Variants in GUCD1 observed in about 807,000 individuals in gnomAD.
The protein encoded by GUCD1 is guanylyl cyclase domain containing 1.
A neutral mutation model predicts 28.3 loss-of-function variants in GUCD1; 17 were observed. The observed-to-expected ratio is 0.60, with a 90% CI of 0.41 to 0.90. The LOEUF is 0.90. Ranked by LOEUF, GUCD1 falls within the 40% of genes least tolerant of loss-of-function variation. GUCD1 has a pLI of 0.00. For synonymous variants in GUCD1, 129 were observed against 123.3 expected (o/e 1.05, Z -0.30); for missense variants, 279 against 305.5 (o/e 0.91, Z 0.65).
Position 24,543,939 on chromosome 22 carries a change from G to A in GUCD1, c.531C>T (p.Phe177=). The A allele has an allele frequency of 1.2e-6, 2 of 1,614,100 alleles. No homozygotes were observed. The highest frequency in any genetic ancestry group is 2.2e-5 in the East Asian group (1 of 44,874). ...GGCCCTGGTAGTCAGGAGTGCGGCAGAAGCAGTGGTGGCCACTGGGGGTGA... is the reference window on the plus strand; with the variant it reads ...GGCCCTGGTAGTCAGGAGTGCGGCAAAAGCAGTGGTGGCCACTGGGGGTGA... The part of the protein sequence containing the change: ...CCFTPSGHHC[F]CRTPDYQGHF... Residue 177 remains phenylalanine, a synonymous_variant, in exon 5 of 6, where the codon TTC becomes TTT. Transcript: ENST00000435822.
chr22:24,542,258 G>GT lies in GUCD1; in HGVS notation c.*747dup, dbSNP rs1286125710. On this transcript the variant is annotated 3_prime_UTR_variant, in exon 6 of 6. Transcript: ENST00000435822. ...GGATCCCTCTGGGGCTAGGGCAGCT[G>GT]TTTATTCCCAGAGCACTGCTGCCAG... 1 of 152,294 alleles carries GT rather than the reference G, an allele frequency of 6.6e-6. No individual in the cohort carries two copies. The highest frequency in any genetic ancestry group is 1.5e-5 in the Non-Finnish European group (1 of 68,080). The allele number at this position is 152,294 out of a possible 1,614,324, so 9.4% of individuals were successfully genotyped here. A position where few individuals can be genotyped will look rare whatever the true frequency, so the allele number is the denominator to read the frequency against.
chr22:24,548,158 C>A, intron 2 of GUCD1, 85 bp from the exon 3 acceptor site: 2 of 1,147,466 alleles, frequency 1.7e-6, no homozygotes, highest in African/African-American at 1.5e-5. Context: ...CCCAAGAGCC[C>A]CGTCACAGGT....
At position 24,548,008 on chromosome 22, in the gene GUCD1, C is replaced by A; in HGVS notation, c.194G>T (p.Ser65Ile). 1.9e-6 allele frequency: 3 copies of A among 1,614,182 alleles called. No individual in the cohort carries two copies. Among genetic ancestry groups the A allele is most frequent in the Non-Finnish European group, 2.5e-6 (3 of 1,180,008 alleles). Residue 65 changes from serine (S) to isoleucine (I), a missense_variant, in exon 3 of 6, where the codon AGC becomes ATC. By Grantham distance (142) the Ser-to-Ile change is moderately radical. Transcript: ENST00000435822. ...GTAGGCCAGGTCGATGGTCCAGATG[C>A]TCCTGGTCAGCTGCAGCTTCTGCAG... ...RALQKLQLTR[S>I]IWTIDLAYLM...
chr22:24,548,286 C>G (rs2044782564), intron 2 of GUCD1, among the ~76,000 whole-genome samples: 1 of 152,216 alleles, frequency 6.6e-6, no homozygotes, highest in Non-Finnish European at 1.5e-5. Context: ...CTCTGCTTCT[C>G]AAATCTATTG....
intron 4 of GUCD1, 56 bp downstream of exon 4, chr22:24,546,858 A>C: frequency 6.9e-7 from 1 of 1,454,804 alleles, no homozygotes; most frequent in Middle Eastern, 2.1e-4. Context: ...CCCACTGCAG[A>C]TCTGTGGGTG....
chr22:24,544,025 G>C lies in GUCD1; in HGVS notation c.445C>G (p.Leu149Val), dbSNP rs1256336633. 2.5e-6 allele frequency: 4 copies of C among 1,613,578 alleles called. No homozygotes were observed. In the African/African-American group the frequency reaches 4.0e-5, roughly 16 times the overall value. ...CAGTGCAGCACCCCCGAGTTCACCA[G>C]CACGATGGCCACATGGCCCTGAGCC... The part of the protein sequence containing the change: ...HLAQGHVAIV[L>V]VNSGVLHCDL... Residue 149 changes from leucine (L) to valine (V), a missense_variant, in exon 5 of 6, where the codon CTG becomes GTG. By Grantham distance (32) the Leu-to-Val change is conservative. Coordinates refer to ENST00000435822, the MANE Select transcript of GUCD1 (RefSeq NM_001284254.2).
rs752029752 is a variant in GUCD1 at position 24,543,932 on chromosome 22, T to C, written c.538A>G (p.Thr180Ala). The C allele has an allele frequency of 1.2e-6, 2 of 1,613,254 alleles. No individual in the cohort carries two copies. Among genetic ancestry groups the C allele is most frequent in the African/African-American group, 2.7e-5 (2 of 74,636 alleles). The change falls in exon 5 of 6, where the codon ACT becomes GCT. Residue 180 changes from threonine (T) to alanine (A), a missense_variant. Transcript: ENST00000435822. ...TPSGHHCFCR[T>A]PDYQGHFIVL... The stretch of plus-strand genomic sequence containing the variant: ...ATGAAGTGGCCCTGGTAGTCAGGAG[T>C]GCGGCAGAAGCAGTGGTGGCCACTG...
rs1386500592 is a variant in GUCD1 at position 24,552,324 on chromosome 22, C to A, written c.43+2625G>T. On this transcript the variant is annotated intron_variant, in intron 1 of 5. Coordinates refer to ENST00000435822, the MANE Select transcript of GUCD1 (RefSeq NM_001284254.2). ...AAAAAGAAAAAAAGAAATTAAATTT[C>A]TATTGTTTCTAAATTACCCAGTCCC... Among the ~76,000 whole-genome samples, 18 of 152,292 alleles carry A rather than the reference C, an allele frequency of 1.2e-4. No individual in the cohort carries two copies. The South Asian group carries it at 3.1e-3, about 26-fold the overall frequency.
chr22:24,545,644 C>T (rs1170214258), intron 4 of GUCD1, among the ~76,000 whole-genome samples: 1 of 151,982 alleles, frequency 6.6e-6, no homozygotes, highest in African/African-American at 2.4e-5. Flanking sequence ...GTCTCTGTTG[C>T]CCAGGCTGGA....
At chr22:24,553,613 C>T (rs1335755662) in intron 1 of GUCD1, among the ~76,000 whole-genome samples, 4 of 152,242 alleles carry the variant, frequency 2.6e-5, no homozygotes, top group South Asian at 2.1e-4. Context: ...AGGCTCCCTC[C>T]TTACTCTGTG....
chr22:24,548,159 C>T lies in GUCD1; in HGVS notation c.129-86G>A, dbSNP rs1164861045. On this transcript the variant is annotated intron_variant, in intron 2 of 5. Transcript: ENST00000435822. Reference sequence around the variant, plus strand: ...CCTCCACCCACTGGCCCAAGAGCCCCGTCACAGGTCCCATTCCCCAGAAGT... The same window carrying T: ...CCTCCACCCACTGGCCCAAGAGCCCTGTCACAGGTCCCATTCCCCAGAAGT... 9 of 1,129,114 alleles carry T rather than the reference C, an allele frequency of 8.0e-6. No individual in the cohort carries two copies. The Admixed American group carries it at 1.4e-4, about 17-fold the overall frequency. 69.9% of individuals were successfully genotyped at this position (1,129,114 alleles called of 1,614,324 possible).
chr22:24,542,760 C>T lies in GUCD1; in HGVS notation c.*246G>A. 2 of 468,068 alleles carry T rather than the reference C, an allele frequency of 4.3e-6. No individual in the cohort carries two copies. Among genetic ancestry groups the T allele is most frequent in the South Asian group, 4.4e-5 (2 of 45,284 alleles). 29.0% of individuals were successfully genotyped at this position (468,068 alleles called of 1,614,324 possible). ...CCTGTGGGCGCAGCTGGAGTCAAGG[C>T]TTGGGGTCTTGGGGTATGCTTCCAG... On this transcript the variant is annotated 3_prime_UTR_variant, in exon 6 of 6. Coordinates refer to ENST00000435822, the MANE Select transcript of GUCD1 (RefSeq NM_001284254.2).
In GUCD1 at chr22:24,542,965, G is replaced by T; in HGVS notation, c.*41C>A. 1 of 1,456,408 alleles carries T rather than the reference G, an allele frequency of 6.9e-7. No homozygotes were observed. The highest frequency in any genetic ancestry group is 1.1e-5 in the South Asian group (1 of 87,726). The allele number at this position is 1,456,408 out of a possible 1,614,324, so 90.2% of individuals were successfully genotyped here. A position where few individuals can be genotyped will look rare whatever the true frequency, so the allele number is the denominator to read the frequency against. On this transcript the variant is annotated 3_prime_UTR_variant, in exon 6 of 6. Transcript: ENST00000435822. ...ATCCTGAGCGGGCCCGGCTGGGGTG[G>T]GGATGGGGTCCGAGGGCCTAGGCGC... is the stretch of plus-strand genomic sequence containing the variant.
At chr22:24,551,428 C>T (rs2147096250) in intron 1 of GUCD1, among the ~76,000 whole-genome samples, 1 of 152,324 alleles carries the variant, frequency 6.6e-6, no homozygotes, top group Non-Finnish European at 1.5e-5. Context: ...ATTCAGTTTC[C>T]CACTGCTCTT....
rs1204064695 is a variant in GUCD1, at chr22:24,542,979, G to A, written c.*27C>T. On this transcript the variant is annotated 3_prime_UTR_variant, in exon 6 of 6. Transcript: ENST00000435822. The stretch of plus-strand genomic sequence containing the variant: ...CGGCTGGGGTGGGGATGGGGTCCGA[G>A]GGCCTAGGCGCACCAGGCTCCTGCT... The A allele has an allele frequency of 6.4e-7, 1 of 1,553,020 alleles. No individual in the cohort carries two copies. The highest frequency in any genetic ancestry group is 1.7e-5 in the Admixed American group (1 of 59,914).
chr22:24,543,009 G>C lies in GUCD1; in HGVS notation c.717C>G (p.Ser239Arg). ...TAGGCGCACCAGGCTCCTGCTGTCA[G>C]CTGTCCAAGTAGACAAAGAGGATGT... ...DEDILFVYLD[S>R] Residue 239 changes from serine to arginine, a missense_variant, in exon 6 of 6, where the codon AGC (serine) becomes AGG (arginine). By Grantham distance (110) the Ser-to-Arg change is moderately radical (BLOSUM62 -1). Coordinates refer to ENST00000435822, the MANE Select transcript of GUCD1 (RefSeq NM_001284254.2). 6 of 1,610,910 alleles carry C rather than the reference G, an allele frequency of 3.7e-6. No homozygotes were observed. Among genetic ancestry groups the C allele is most frequent in the Admixed American group, 1.7e-5 (1 of 60,008 alleles).
intron 4 of GUCD1, among the ~76,000 whole-genome samples, chr22:24,544,695 A>G (rs1231558409): frequency 6.6e-6 from 1 of 152,080 alleles, no homozygotes; most frequent in Non-Finnish European, 1.5e-5. Context: ...TGTGCCTTCC[A>G]CTAGGCAGCA....
intron 5 of GUCD1, 147 bp downstream of exon 5, chr22:24,543,695 G>C: frequency 9.6e-7 from 1 of 1,045,204 alleles, no homozygotes; most frequent in Non-Finnish European, 1.4e-6. Flanking sequence ...ACAGTGACAA[G>C]AGCCCAGGAG....
At chr22:24,544,215 C>T (rs2044668475) in intron 4 of GUCD1, 132 bp from the exon 5 acceptor site, 1 of 1,278,504 alleles carries the variant, frequency 7.8e-7, no homozygotes, top group African/African-American at 1.5e-5. Context: ...CCCTGAACTC[C>T]CTGCTCTGTC....
Sources: allele counts gnomAD v4.1 joint callset (sites outside exome capture counted in the v4.1 genomes callset), GRCh38; gene constraint gnomAD v4.1.1; transcripts MANE v1.5; gene names NCBI Gene and HGNC (gene_info 2026-07-23, HGNC 2026-07-21).